Variants in LGR5 observed in about 807,000 individuals in gnomAD.
LGR5 encodes leucine rich repeat containing G protein-coupled receptor 5, also known as leucine-rich repeat-containing G protein-coupled receptor 5.
Under a neutral mutation model 76.7 loss-of-function variants are expected in LGR5, and 54 were observed. That is an observed-to-expected ratio of 0.70 (90% CI 0.57 to 0.88). The LOEUF is 0.88. LGR5 is among the 40% of genes least tolerant of loss of function. LGR5 has a pLI of 0.00. For synonymous variants in LGR5, 406 were observed against 421.9 expected (o/e 0.96, Z 0.46); for missense variants, 1,078 against 1,073.3 (o/e 1.00, Z -0.06).
intron 1 of LGR5, among the ~76,000 whole-genome samples, chr12:71,496,821 T>C (rs570692045): frequency 6.6e-6 from 1 of 152,266 alleles, no homozygotes; most frequent in South Asian, 2.1e-4. Flanking sequence ...GTGAAGAAGC[T>C]AGACACAAAA....
At chr12:71,556,778 T>C (rs1246455481) in intron 6 of LGR5, 88 bp downstream of exon 6, 2 of 1,047,510 alleles carry the variant, frequency 1.9e-6, no homozygotes, top group Non-Finnish European at 1.5e-6. Context: ...CAGACTTTGT[T>C]TGGTTTGGTT....
intron 8 of LGR5, among the ~76,000 whole-genome samples, chr12:71,565,347 A>T (rs1396919587): frequency 2.7e-5 from 4 of 150,870 alleles, no homozygotes; most frequent in Non-Finnish European, 5.9e-5. Context: ...CTGAGCCTCA[A>T]TTTTCTCTTC....
At chr12:71,454,982 A>G (rs1872407670) in intron 1 of LGR5, among the ~76,000 whole-genome samples, 1 of 152,116 alleles carries the variant, frequency 6.6e-6, no homozygotes, top group African/African-American at 2.4e-5. Flanking sequence ...CAAACAAAAA[A>G]CAAAACCAAA....
chr12:71,469,200 C>T (rs1565666780), intron 1 of LGR5, among the ~76,000 whole-genome samples: 2 of 152,090 alleles, frequency 1.3e-5, no homozygotes, highest in Non-Finnish European at 2.9e-5. Context: ...GAAAAGTAAC[C>T]GACTTCCAAA....
chr12:71,556,092 C>T (rs1389923180), intron 5 of LGR5, among the ~76,000 whole-genome samples: 1 of 152,126 alleles, frequency 6.6e-6, no homozygotes, highest in Non-Finnish European at 1.5e-5. Flanking sequence ...ACTGAATGTT[C>T]TCACTTAGAA....
chr12:71,563,870 GTGTATA>G (rs1300210805), intron 8 of LGR5, among the ~76,000 whole-genome samples: 1 of 150,422 alleles, frequency 6.6e-6, no homozygotes, highest in African/African-American at 2.5e-5. Flanking sequence ...GTGTGTGTGT[GTGTATA>G]TAGTGTGTAT....
Position 71,572,844 on chromosome 12 carries a change from T to C in LGR5, c.1137-6T>C. 3.7e-6 allele frequency: 6 copies of C among 1,611,314 alleles called. No homozygotes were observed. The highest frequency in any genetic ancestry group is 5.1e-6 in the Non-Finnish European group (6 of 1,177,682). ...GAAATCAATCTTTGGAACCCTGTCA[T>C]TTCAGTGACCTAAGACATAATGAAA... is the stretch of plus-strand genomic sequence containing the variant. On this transcript the variant is annotated splice_polypyrimidine_tract_variant and splice_region_variant and intron_variant, in intron 12 of 17. Coordinates refer to ENST00000266674, the MANE Select transcript of LGR5 (RefSeq NM_003667.4).
chr12:71,526,236 C>T (rs1274110655), intron 3 of LGR5, among the ~76,000 whole-genome samples: 4 of 152,038 alleles, frequency 2.6e-5, no homozygotes, highest in Non-Finnish European at 4.4e-5. Flanking sequence ...GTGTATTAAA[C>T]AAAAAAGTTG....
chr12:71,520,366 G>T (rs768382603), intron 2 of LGR5, among the ~76,000 whole-genome samples: 3 of 152,120 alleles, frequency 2.0e-5, no homozygotes, highest in African/African-American at 4.8e-5. Flanking sequence ...ATAGACAGAG[G>T]ATGTAGAATA....
At chr12:71,578,661 G>T in intron 14 of LGR5, 143 bp from the exon 15 acceptor site, 1 of 699,962 alleles carries the variant, frequency 1.4e-6, no homozygotes, top group Non-Finnish European at 2.2e-6. Flanking sequence ...AAACCAAAAT[G>T]GTTACTTTTA....
At chr12:71,487,818 A>G (rs1873900168) in intron 1 of LGR5, among the ~76,000 whole-genome samples, 1 of 152,244 alleles carries the variant, frequency 6.6e-6, no homozygotes, top group Non-Finnish European at 1.5e-5. Context: ...GTTTGATTAC[A>G]GAGGGAGTCT....
intron 3 of LGR5, among the ~76,000 whole-genome samples, chr12:71,526,125 A>G (rs1875991645): frequency 6.6e-6 from 1 of 152,130 alleles, no homozygotes; most frequent in Non-Finnish European, 1.5e-5. Context: ...ATTCAGGCTG[A>G]TGATCTAGAG....
chr12:71,549,082 G>A (rs1877344669), intron 4 of LGR5, among the ~76,000 whole-genome samples: 2 of 152,184 alleles, frequency 1.3e-5, no homozygotes, highest in African/African-American at 2.4e-5. Flanking sequence ...CCAGATTGAC[G>A]TAATATGAAC....
intron 2 of LGR5, among the ~76,000 whole-genome samples, chr12:71,517,419 A>G (rs574118641): frequency 1.3e-5 from 2 of 152,384 alleles, no homozygotes; most frequent in East Asian, 3.9e-4. Context: ...AAGAAAACCA[A>G]TTTGTGTGAA....
chr12:71,534,882 A>G (rs1876505155), intron 3 of LGR5, among the ~76,000 whole-genome samples: 1 of 152,200 alleles, frequency 6.6e-6, no homozygotes, highest in African/African-American at 2.4e-5. Context: ...CATCTATCCC[A>G]AATTCATAGT....
At chr12:71,523,572 T>C (rs1875829469) in intron 2 of LGR5, among the ~76,000 whole-genome samples, 1 of 152,238 alleles carries the variant, frequency 6.6e-6, no homozygotes, top group Admixed American at 6.5e-5. Flanking sequence ...CTCAAAATAC[T>C]GTGCTCTTTG....
intron 1 of LGR5, among the ~76,000 whole-genome samples, chr12:71,464,081 G>A (rs1872773428): frequency 6.6e-6 from 1 of 152,118 alleles, no homozygotes; most frequent in African/African-American, 2.4e-5. Context: ...GTTTATAAAA[G>A]ATTCTTTAAA....
chr12:71,503,844 C>T (rs541912852), intron 1 of LGR5, among the ~76,000 whole-genome samples: 1 of 152,146 alleles, frequency 6.6e-6, no homozygotes, highest in East Asian at 1.9e-4. Flanking sequence ...GGGCATATAC[C>T]CATGATGCTG....
At chr12:71,500,805 T>C (rs900294036) in intron 1 of LGR5, among the ~76,000 whole-genome samples, 45 of 152,124 alleles carry the variant, frequency 3.0e-4, no homozygotes, top group African/African-American at 9.9e-4. Flanking sequence ...TTCCTATATA[T>C]AACAACTGCT....
Sources: gnomAD v4.1 joint callset for allele counts (sites outside exome capture counted in the v4.1 genomes callset) on GRCh38, gnomAD v4.1.1 for gene constraint, MANE v1.5 for transcripts, NCBI Gene and HGNC (gene_info 2026-07-23, HGNC 2026-07-21) for gene names.